RAPGEF6: variants seen among roughly 807,000 people sequenced by gnomAD.
The protein encoded by RAPGEF6 is Rap guanine nucleotide exchange factor 6.
RAPGEF6 carries 56 observed loss-of-function variants against 171.4 expected under a neutral mutation model. The observed-to-expected ratio is 0.33, with a 90% confidence interval of 0.26 to 0.41. The LOEUF is 0.41. Among genes scored for constraint, RAPGEF6 ranks in the 10% least tolerant of loss-of-function variants. The probability of loss-of-function intolerance (pLI) is 1.00; values close to 1 mark genes in which losing one functional copy is unlikely to be tolerated. For missense variants in RAPGEF6, 1,674 were observed against 1,921.4 expected (o/e 0.87, Z 2.41); for synonymous variants, 692 against 650.1 (o/e 1.06, Z -0.98).
intron 25 of RAPGEF6, among the ~76,000 whole-genome samples, chr5:131,432,309 C>T (rs1380029156): frequency 6.6e-6 from 1 of 152,098 alleles, no homozygotes; most frequent in Non-Finnish European, 1.5e-5. Flanking sequence ...CTGGTGGTCT[C>T]TTTGCTCGTT....
In RAPGEF6 at chr5:131,489,932, A is replaced by G. The variant is rs1012190988; in HGVS notation, c.1732-278T>C. The stretch of plus-strand genomic sequence containing the variant: ...AAAAAATACCCACACCAGATGGTTT[A>G]CAAAGGAAAACATTTAATCATGGCA... On this transcript the variant is annotated intron_variant, in intron 14 of 27. Coordinates refer to ENST00000509018, the MANE Select transcript of RAPGEF6 (RefSeq NM_016340.6). Among the ~76,000 whole-genome samples the G allele has an allele frequency of 3.9e-5, 6 of 152,294 alleles. No individual in the cohort carries two copies. In the South Asian group the frequency reaches 1.2e-3, roughly 32 times the overall value.
chr5:131,534,632 A>G (rs1014130249), intron 6 of RAPGEF6, among the ~76,000 whole-genome samples: 2 of 145,780 alleles, frequency 1.4e-5, no homozygotes, highest in Non-Finnish European at 3.0e-5. Flanking sequence ...GTTTAATTTA[A>G]ATCAATCATA....
intron 21 of RAPGEF6, among the ~76,000 whole-genome samples, chr5:131,451,513 C>T (rs12108740): frequency 0.022 from 3,356 of 152,026 alleles, 107 homozygotes; most frequent in African/African-American, 0.07. Flanking sequence ...CACCTGAACC[C>T]GGGAGGTTGA....
At chr5:131,518,783 GTTTCTTCTTTAAA>G (rs1758273997) in intron 7 of RAPGEF6, among the ~76,000 whole-genome samples, 1 of 151,926 alleles carries the variant, frequency 6.6e-6, no homozygotes, top group South Asian at 2.1e-4. Context: ...ATTATTATAA[GTTTCTTCTTTAAA>G]TTTCTTCATT....
At chr5:131,530,406 G>A (rs1759295818) in intron 6 of RAPGEF6, among the ~76,000 whole-genome samples, 1 of 152,016 alleles carries the variant, frequency 6.6e-6, no homozygotes, top group Admixed American at 6.5e-5. Context: ...ATGCTAATAC[G>A]ACTATTTATT....
At chr5:131,600,045 C>T (rs1342502348) in intron 3 of RAPGEF6, among the ~76,000 whole-genome samples, 2 of 152,138 alleles carry the variant, frequency 1.3e-5, no homozygotes, top group Admixed American at 6.5e-5. Flanking sequence ...AGAACTTTCC[C>T]GCATTTTTTT....
At chr5:131,429,244 G>T in intron 26 of RAPGEF6, 28 bp from the exon 27 acceptor site, 2 of 1,450,328 alleles carry the variant, frequency 1.4e-6, no homozygotes. Flanking sequence ...CAATGAAAAT[G>T]TTAATGAAAA....
intron 1 of RAPGEF6, among the ~76,000 whole-genome samples, chr5:131,628,097 A>C (rs1561620815): frequency 6.6e-6 from 1 of 152,196 alleles, no homozygotes; most frequent in Non-Finnish European, 1.5e-5. Flanking sequence ...AATGGCCCCT[A>C]AGTGTTCAAG....
At chr5:131,457,378 C>T (rs976525691) in intron 19 of RAPGEF6, among the ~76,000 whole-genome samples, 1 of 152,292 alleles carries the variant, frequency 6.6e-6, no homozygotes, top group East Asian at 1.9e-4. Flanking sequence ...GCCAACAATC[C>T]TTTATTTGGC....
Position 131,508,065 on chromosome 5 carries a change from A to G in RAPGEF6, c.942+6T>C. Reference sequence around the variant, plus strand: ...ATAAATGTATGTAATTTATTTATTGACCTACCTCTTGCCCATCTTCAAGAA... The same window carrying G: ...ATAAATGTATGTAATTTATTTATTGGCCTACCTCTTGCCCATCTTCAAGAA... On this transcript the variant is annotated splice_donor_region_variant and intron_variant, in intron 9 of 27. Transcript: ENST00000509018. 1 of 1,590,058 alleles carries G rather than the reference A, an allele frequency of 6.3e-7. No individual in the cohort carries two copies. Among genetic ancestry groups the G allele is most frequent in the South Asian group, 1.2e-5 (1 of 86,618 alleles).
intron 5 of RAPGEF6, among the ~76,000 whole-genome samples, chr5:131,552,674 T>C (rs1760993093): frequency 6.6e-6 from 1 of 152,054 alleles, no homozygotes; most frequent in African/African-American, 2.4e-5. Flanking sequence ...TTGGCCAGGC[T>C]GATCTCGAAC....
intron 17 of RAPGEF6, among the ~76,000 whole-genome samples, chr5:131,471,046 T>C (rs1754702109): frequency 6.6e-6 from 1 of 152,250 alleles, no homozygotes; most frequent in Non-Finnish European, 1.5e-5. Flanking sequence ...CTGTGATATC[T>C]TAGTGCTTCC....
chr5:131,497,438 C>G (rs960722196), intron 12 of RAPGEF6, among the ~76,000 whole-genome samples: 1 of 152,088 alleles, frequency 6.6e-6, no homozygotes, highest in Non-Finnish European at 1.5e-5. Flanking sequence ...GAAACCAACG[C>G]CAAATCCAAG....
chr5:131,514,073 ATACCTC>A (rs1757919623), intron 7 of RAPGEF6, among the ~76,000 whole-genome samples: 1 of 152,166 alleles, frequency 6.6e-6, no homozygotes, highest in Non-Finnish European at 1.5e-5. Context: ...TACCTTTCTT[ATACCTC>A]TACTTTTTAC....
chr5:131,536,729 C>T lies in RAPGEF6; in HGVS notation c.495+11318G>A, dbSNP rs142190531. On this transcript the variant is annotated intron_variant, in intron 6 of 27. Transcript: ENST00000509018. ...AAGGCACCACTATGCTTCTGCTTTC[C>T]GTCTACACTGCGTATCAAGCATCTT... Among the ~76,000 whole-genome samples the T allele has an allele frequency of 4.4e-3, 667 of 152,162 alleles. 7 individuals carry two copies. Among genetic ancestry groups the T allele is most frequent in the African/African-American group, 0.015 (628 of 41,498 alleles).
At chr5:131,472,930 T>C (rs1754850673) in intron 16 of RAPGEF6, 186 bp from the exon 17 acceptor site, 1 of 549,472 alleles carries the variant, frequency 1.8e-6, no homozygotes, top group Non-Finnish European at 3.2e-6. Context: ...TTTTAACAAT[T>C]ACATTAAAAT....
At chr5:131,430,781 T>C (rs943347503) in intron 26 of RAPGEF6, 78 bp downstream of exon 26, 8 of 1,565,304 alleles carry the variant, frequency 5.1e-6, no homozygotes, top group African/African-American at 1.4e-5. Flanking sequence ...GACGATAAAA[T>C]CCAGGGCCAA....
intron 23 of RAPGEF6, among the ~76,000 whole-genome samples, chr5:131,441,950 T>A (rs1752408888): frequency 6.6e-6 from 1 of 152,230 alleles, no homozygotes; most frequent in South Asian, 2.1e-4. Context: ...CCCAACCACG[T>A]TTTCAGAAGG....
At position 131,464,163 on chromosome 5, in the gene RAPGEF6, C is replaced by A; in HGVS notation, c.2358G>T (p.Leu786Phe). Residue 786 changes from leucine (L) to phenylalanine (F), a missense_variant, in exon 18 of 28, where the codon TTG (leucine) becomes TTT (phenylalanine). Physicochemically the swap from Leu to Phe is conservative, Grantham distance 22 (BLOSUM62 0). Coordinates refer to ENST00000509018, the MANE Select transcript of RAPGEF6 (RefSeq NM_016340.6). ...GAGAATATGTGTCGGATGCACCGGTCAAACCAAATTCATGAACAGCATGAA... is the reference window on the plus strand; with the variant it reads ...GAGAATATGTGTCGGATGCACCGGTAAAACCAAATTCATGAACAGCATGAA... Reference protein sequence around the residue: ...VVFHAVHEFGLTGASDTYSLC... With the variant: ...VVFHAVHEFGFTGASDTYSLC... 6.2e-7 allele frequency: 1 copy of A among 1,613,944 alleles called. No individual in the cohort carries two copies. Among genetic ancestry groups the A allele is most frequent in the South Asian group, 1.1e-5 (1 of 91,042 alleles).
Sources: gnomAD v4.1 joint callset for allele counts (sites outside exome capture counted in the v4.1 genomes callset) on GRCh38, gnomAD v4.1.1 for gene constraint, MANE v1.5 for transcripts, NCBI Gene and HGNC (gene_info 2026-07-23, HGNC 2026-07-21) for gene names.